SOX13: variants seen among roughly 807,000 people sequenced by gnomAD.
SOX13 encodes the protein transcription factor SOX-13.
Under a neutral mutation model 71.8 loss-of-function variants are expected in SOX13, and 28 were observed. That is an observed-to-expected ratio of 0.39 (90% CI 0.29 to 0.53). SOX13 has a LOEUF of 0.53. Ranked by LOEUF, SOX13 falls within the 20% of genes least tolerant of loss-of-function variation. The pLI, the probability that SOX13 is intolerant of heterozygous loss-of-function variation, is 0.70. For synonymous variants in SOX13, 309 were observed against 317.8 expected, an observed-to-expected ratio of 0.97 and a Z score of 0.29; for missense variants, 627 against 810.3, an observed-to-expected ratio of 0.77 and a Z score of 2.75.
chr1:204,074,774 C>G (rs889780721), intron 1 of SOX13, among the ~76,000 whole-genome samples: 9 of 152,144 alleles, frequency 5.9e-5, no homozygotes, highest in Non-Finnish European at 1.0e-4. Flanking sequence ...GGGAGGACCC[C>G]GAGCGCTGGA....
chr1:204,114,277 C>T, intron 2 of SOX13, 44 bp from the exon 3 acceptor site: 2 of 1,343,722 alleles, frequency 1.5e-6, no homozygotes, highest in Non-Finnish European at 2.1e-6. Context: ...GCAGCCTGTC[C>T]CCTTCTCTTG....
intron 7 of SOX13, 175 bp downstream of exon 7, chr1:204,117,882 A>G: frequency 1.7e-6 from 1 of 601,454 alleles, no homozygotes; most frequent in Middle Eastern, 4.2e-4. Context: ...AATTTCTCTG[A>G]ACTTCACTGG....
intron 1 of SOX13, among the ~76,000 whole-genome samples, chr1:204,079,906 A>G (rs140715190): frequency 2.0e-3 from 299 of 152,274 alleles, no homozygotes; most frequent in African/African-American, 6.5e-3. Flanking sequence ...AAGGTCATCC[A>G]TGGGCAAACC....
At chr1:204,092,236 CAGGCTGGTCTTCAA>C (rs1430975535) in intron 1 of SOX13, among the ~76,000 whole-genome samples, 1 of 152,140 alleles carries the variant, frequency 6.6e-6, no homozygotes, top group Non-Finnish European at 1.5e-5. Context: ...CTATGTTGCC[CAGGCTGGTCTTCAA>C]AGTCTGCCTT....
At chr1:204,099,424 C>CTTTTTTTTTTT (rs200311750) in intron 1 of SOX13, among the ~76,000 whole-genome samples, 1 of 93,452 alleles carries the variant, frequency 1.1e-5, no homozygotes, top group Non-Finnish European at 2.1e-5. Context: ...CTTTTTCTGG[C>CTTTTTTTTTTT]TTTTTTTTTT....
intron 1 of SOX13, among the ~76,000 whole-genome samples, chr1:204,088,877 A>G (rs1178642518): frequency 6.6e-6 from 1 of 152,114 alleles, no homozygotes; most frequent in Non-Finnish European, 1.5e-5. Flanking sequence ...ACAAATACAT[A>G]CTGTGCAGGC....
In SOX13 at chr1:204,116,128, GCT is replaced by G. The variant is rs1656687585; in HGVS notation, c.419-378_419-377del. The G allele has an allele frequency of 5.0e-6, 6 of 1,204,160 alleles. No homozygotes were observed. In the African/African-American group the frequency reaches 9.5e-5, roughly 19 times the overall value. The allele number at this position is 1,204,160 out of a possible 1,614,324, so 74.6% of individuals were successfully genotyped here. ...GGGAATTTGACCCCAGACCTGTCTT[GCT>G]TCAAAGCCTGAGTGTGTCCCACTGG... On this transcript the variant is annotated intron_variant, in intron 4 of 13. Transcript: ENST00000367204.
At chr1:204,103,130 T>TA (rs1311935405) in intron 1 of SOX13, among the ~76,000 whole-genome samples, 2 of 152,276 alleles carry the variant, frequency 1.3e-5, no homozygotes, top group East Asian at 1.9e-4. Context: ...CCTTATCTCT[T>TA]ACTCACAAAA....
chr1:204,114,632 A>G, intron 4 of SOX13, 27 bp downstream of exon 4: 1 of 1,546,110 alleles, frequency 6.5e-7, no homozygotes, highest in African/African-American at 1.4e-5. Context: ...GGTGGGGGAG[A>G]TGTTTGAACC....
chr1:204,102,004 C>T (rs1343121834), intron 1 of SOX13, among the ~76,000 whole-genome samples: 1 of 152,212 alleles, frequency 6.6e-6, no homozygotes, highest in Non-Finnish European at 1.5e-5. Context: ...CAGGACCAGC[C>T]TGGGCAACAT....
intron 1 of SOX13, among the ~76,000 whole-genome samples, chr1:204,095,839 C>T (rs1425824274): frequency 2.0e-5 from 3 of 152,214 alleles, no homozygotes; most frequent in Non-Finnish European, 4.4e-5. Context: ...TCCTCTCTCA[C>T]TCCAGCCCTG....
rs145269214 is a variant in SOX13, at chr1:204,093,866, A to G, written c.-1-19049A>G. Among the ~76,000 whole-genome samples the G allele has an allele frequency of 6.8e-4, 104 of 152,324 alleles. 1 individual carries two copies. The East Asian group carries it at 0.019, about 27-fold the overall frequency. ...TATCTTTCTGATGAGGGGCTTCCATATGTGACCTGCCCTGGGCTACAACTC... is the reference window on the plus strand; with the variant it reads ...TATCTTTCTGATGAGGGGCTTCCATGTGTGACCTGCCCTGGGCTACAACTC... On this transcript the variant is annotated intron_variant, in intron 1 of 13. Transcript: ENST00000367204.
Position 204,116,646 on chromosome 1 carries a change from G to C in SOX13, c.558G>C (p.Gln186His). Residue 186 changes from glutamine (Q) to histidine (H), a missense_variant, in exon 5 of 14, where the codon CAG becomes CAC. Physicochemically the swap from Gln to His is conservative, Grantham distance 24 (BLOSUM62 0). Coordinates refer to ENST00000367204, the MANE Select transcript of SOX13 (RefSeq NM_005686.3). ...CCATGCTGTTTGAGAAGCAGCAGCA[G>C]CAGATGGAGCTTGCCCGGCAGCAGC... Reference protein sequence around the residue: ...MAAMLFEKQQQQMELARQQQE... With the variant: ...MAAMLFEKQQHQMELARQQQE... 1 of 1,613,924 alleles carries C rather than the reference G, an allele frequency of 6.2e-7. No homozygotes were observed. The highest frequency in any genetic ancestry group is 8.5e-7 in the Non-Finnish European group (1 of 1,179,840).
chr1:204,126,367 T>C lies in SOX13; in HGVS notation c.*233T>C. The C allele has an allele frequency of 1.7e-6, 1 of 579,932 alleles. No homozygotes were observed. The highest frequency in any genetic ancestry group is 3.1e-6 in the Non-Finnish European group (1 of 324,218). 35.9% of individuals were successfully genotyped at this position (579,932 alleles called of 1,614,324 possible). The stretch of plus-strand genomic sequence containing the variant: ...CAGTATGGCCATGGGCTGAGCAGGC[T>C]GAGCACCTCAGCCTTTAGGGCTTAT... On this transcript the variant is annotated 3_prime_UTR_variant, in exon 14 of 14. Coordinates refer to ENST00000367204, the MANE Select transcript of SOX13 (RefSeq NM_005686.3).
At position 204,126,239 on chromosome 1, in the gene SOX13, C is replaced by T. The variant is rs1258297568; in HGVS notation, c.*105C>T. On this transcript the variant is annotated 3_prime_UTR_variant, in exon 14 of 14. Coordinates refer to ENST00000367204, the MANE Select transcript of SOX13 (RefSeq NM_005686.3). ...GACTATGTTGGTACTTGGACTTGTT[C>T]GTGCCCCAGAGATGGGCAAAGCTGT... 6 of 1,270,136 alleles carry T rather than the reference C, an allele frequency of 4.7e-6. No homozygotes were observed. Among genetic ancestry groups the T allele is most frequent in the South Asian group, 4.3e-5 (3 of 69,836 alleles). The allele number at this position is 1,270,136 out of a possible 1,614,324, so 78.7% of individuals were successfully genotyped here.
At chr1:204,101,706 A>T (rs1656364782) in intron 1 of SOX13, among the ~76,000 whole-genome samples, 1 of 151,924 alleles carries the variant, frequency 6.6e-6, no homozygotes, top group Non-Finnish European at 1.5e-5. Context: ...AGAGGTAGGT[A>T]TTGTTAGCCC....
rs1365838088 is a variant in SOX13, at chr1:204,116,706, T to C, written c.591+27T>C. ...TAGGTCCTGTTCGGTGGGTGTAGCT[T>C]TCTTTCCAGGAAAAGGAGTGTGTCA... On this transcript the variant is annotated intron_variant, in intron 5 of 13. Transcript: ENST00000367204. 3 of 1,609,970 alleles carry C rather than the reference T, an allele frequency of 1.9e-6. No homozygotes were observed. In the East Asian group the frequency reaches 6.7e-5, roughly 36 times the overall value.
chr1:204,122,385 C>G lies in SOX13; in HGVS notation c.1010C>G (p.Pro337Arg), dbSNP rs369199746. The G allele has an allele frequency of 2.6e-6, 4 of 1,563,530 alleles. No individual in the cohort carries two copies. The highest frequency in any genetic ancestry group is 1.4e-5 in the African/African-American group (1 of 73,600). ...ACGCGGGACCTGCAGTCCAGCCCCC[C>G]GAGCCTGCCTCTGGGTAAGCCTCCT... ...GPTRDLQSSP[P>R]SLPLGFLGEG... is the part of the protein sequence containing the mutation. The change falls in exon 9 of 14, where the codon CCG (proline) becomes CGG (arginine). Residue 337 changes from proline (P) to arginine (R), a missense_variant. This residue lies in a region of SOX13 where 447 missense variants were observed against 532.2 expected (regional missense o/e 0.84). Coordinates refer to ENST00000367204, the MANE Select transcript of SOX13 (RefSeq NM_005686.3).
At chr1:204,100,304 TA>T (rs1426021505) in intron 1 of SOX13, among the ~76,000 whole-genome samples, 87 of 152,334 alleles carry the variant, frequency 5.7e-4, no homozygotes, top group African/African-American at 2.1e-3. Context: ...ATGTCACCAT[TA>T]TTCATTACTA....
Sources: gnomAD v4.1 joint callset for allele counts (sites outside exome capture counted in the v4.1 genomes callset) on GRCh38, gnomAD v4.1.1 for gene constraint, gnomAD v4.1.1 regional missense constraint, MANE v1.5 for transcripts, NCBI Gene and HGNC (gene_info 2026-07-23, HGNC 2026-07-21) for gene names.